The following HMGB1 variants were observed in gnomAD, a reference collection of about 807,000 sequenced individuals.
The protein encoded by HMGB1 is high mobility group protein B1.
For missense variants in HMGB1, 79 were observed against 253.5 expected (o/e 0.31, Z 4.67); for synonymous variants, 81 against 84.0 (o/e 0.96, Z 0.19).
intron 1 of HMGB1, among the ~76,000 whole-genome samples, chr13:30,613,650 T>C (rs888465544): frequency 3.3e-5 from 5 of 152,226 alleles, no homozygotes; most frequent in Non-Finnish European, 1.5e-5. Flanking sequence ...ATTATGTATG[T>C]ACATACATGC....
intron 1 of HMGB1, among the ~76,000 whole-genome samples, chr13:30,499,422 T>C (rs180876941): frequency 6.6e-6 from 1 of 152,320 alleles, no homozygotes; most frequent in East Asian, 1.9e-4. Flanking sequence ...CACCAGAAAG[T>C]CTCTCGATCA....
At position 30,460,331 on chromosome 13, in the gene HMGB1, C is replaced by A. The variant is rs1462416947; in HGVS notation, c.*1026G>T. On this transcript the variant is annotated 3_prime_UTR_variant, in exon 5 of 5. Coordinates refer to ENST00000341423, the MANE Select transcript of HMGB1 (RefSeq NM_002128.7). ...GGAAAGTCTCGTTTCCTGAGCAGTC[C>A]ATATTTAGATAAATGGGAAAAGACA... 1 of 150,854 alleles carries A rather than the reference C, an allele frequency of 6.6e-6. No homozygotes were observed. Among genetic ancestry groups the A allele is most frequent in the East Asian group, 1.9e-4 (1 of 5,174 alleles). 9.3% of individuals were successfully genotyped at this position (150,854 alleles called of 1,614,324 possible).
At chr13:30,575,471 G>A (rs900585926) in intron 1 of HMGB1, among the ~76,000 whole-genome samples, 1 of 152,096 alleles carries the variant, frequency 6.6e-6, no homozygotes, top group Non-Finnish European at 1.5e-5. Flanking sequence ...GCTCAACATC[G>A]TGGTTCATTT....
chr13:30,609,420 T>A (rs1475654729), intron 1 of HMGB1, among the ~76,000 whole-genome samples: 2 of 152,204 alleles, frequency 1.3e-5, no homozygotes, highest in Non-Finnish European at 2.9e-5. Flanking sequence ...AAGTTCCCAA[T>A]ATATAGTTGA....
chr13:30,484,486 C>T (rs1025280761), intron 1 of HMGB1, among the ~76,000 whole-genome samples: 1 of 152,220 alleles, frequency 6.6e-6, no homozygotes, highest in African/African-American at 2.4e-5. Flanking sequence ...ACGTTCCTCA[C>T]CCTCCATCCC....
intron 1 of HMGB1, among the ~76,000 whole-genome samples, chr13:30,597,458 T>A (rs983771294): frequency 2.6e-5 from 4 of 152,230 alleles, no homozygotes; most frequent in African/African-American, 9.6e-5. Flanking sequence ...AATAAATTTT[T>A]GTTGTTCAAG....
At chr13:30,526,066 CT>C (rs1301973911) in intron 1 of HMGB1, among the ~76,000 whole-genome samples, 3 of 151,870 alleles carry the variant, frequency 2.0e-5, no homozygotes, top group Non-Finnish European at 1.5e-5. Flanking sequence ...ACTTTTATTT[CT>C]TTTTTTTGAG....
intron 1 of HMGB1, among the ~76,000 whole-genome samples, chr13:30,524,337 T>TAAAAA (rs756389867): frequency 2.1e-5 from 1 of 47,442 alleles, no homozygotes; most frequent in Non-Finnish European, 5.4e-5. Context: ...TAAAGTATAT[T>TAAAAA]AAAAAAAAAA....
chr13:30,532,779 G>A (rs904884571), intron 1 of HMGB1, among the ~76,000 whole-genome samples: 3 of 152,250 alleles, frequency 2.0e-5, no homozygotes, highest in East Asian at 3.9e-4. Flanking sequence ...TTACAGGGGT[G>A]AGCCACCATG....
chr13:30,601,473 C>T lies in HMGB1; in HGVS notation c.-15+15198G>A, dbSNP rs555193770. Among the ~76,000 whole-genome samples the T allele has an allele frequency of 2.1e-4, 8 of 38,468 alleles. 2 individuals carry two copies. Among genetic ancestry groups the T allele is most frequent in the East Asian group, 1.1e-3 (4 of 3,596 alleles). The allele number at this position is 38,468 out of a possible 152,430, so 25.2% of individuals were successfully genotyped here. On this transcript the variant is annotated intron_variant, in intron 1 of 4. Coordinates refer to the HMGB1 transcript ENST00000405805. Reference sequence around the variant, plus strand: ...TAAAAATGAGGGTTGTGGCCGGGCGCGGTGGCTCACGCCTGTAATCCCAGC... The same window carrying T: ...TAAAAATGAGGGTTGTGGCCGGGCGTGGTGGCTCACGCCTGTAATCCCAGC...
intron 1 of HMGB1, among the ~76,000 whole-genome samples, chr13:30,480,289 AT>A (rs1279808151): frequency 6.6e-6 from 1 of 152,248 alleles, no homozygotes; most frequent in Non-Finnish European, 1.5e-5. Context: ...CGTTTCATTT[AT>A]TTATATATTT....
chr13:30,538,654 T>TC (rs1491138182), intron 1 of HMGB1, among the ~76,000 whole-genome samples: 8 of 67,592 alleles, frequency 1.2e-4, no homozygotes, highest in African/African-American at 7.4e-4. Context: ...TTTCTTTCTT[T>TC]CTTTCTTTCC....
chr13:30,549,959 C>T (rs1296220332), intron 1 of HMGB1, among the ~76,000 whole-genome samples: 1 of 152,082 alleles, frequency 6.6e-6, no homozygotes, highest in Admixed American at 6.6e-5. Flanking sequence ...CCAAGTAATC[C>T]GCCTGCCTCA....
chr13:30,467,378 T>G (rs1243376771), upstream of HMGB1, among the ~76,000 whole-genome samples: 1 of 152,256 alleles, frequency 6.6e-6, no homozygotes, highest in African/African-American at 2.4e-5. Flanking sequence ...TTTCCTCAAA[T>G]GTATTAAACT....
Position 30,554,415 on chromosome 13 carries a change from T to C in HMGB1, c.-15+62256A>G, listed in dbSNP as rs77492945. 2.9e-4 allele frequency: 243 copies of C among 824,992 alleles called. No individual in the cohort carries two copies. The East Asian group carries it at 5.2e-3, about 18-fold the overall frequency. 51.1% of individuals were successfully genotyped at this position (824,992 alleles called of 1,614,324 possible). ...TATATTAACATTAAACAAGTGTTAT[T>C]GAACATGAGAAAATACTGAATGGGT... On this transcript the variant is annotated intron_variant, in intron 1 of 4. Coordinates refer to the HMGB1 transcript ENST00000405805.
rs147687927 is a variant in HMGB1 at position 30,590,636 on chromosome 13, C to G, written c.-15+26035G>C. ...CTGTTAGAGAATGAAATTCAAGGTT[C>G]CAATGATCTGAACTTGTGTCCCCTC... On this transcript the variant is annotated intron_variant, in intron 1 of 4. Coordinates refer to the HMGB1 transcript ENST00000405805. 5.1e-3 allele frequency among the ~76,000 whole-genome samples: 779 copies of G among 152,346 alleles called. 6 individuals are homozygous for G. Among genetic ancestry groups the G allele is most frequent in the African/African-American group, 0.017 (716 of 41,580 alleles).
In HMGB1 at chr13:30,591,318, C is replaced by T. The variant is rs1871360673; in HGVS notation, c.-15+25353G>A. Among the ~76,000 whole-genome samples the T allele has an allele frequency of 2.0e-5, 3 of 152,200 alleles. No individual in the cohort carries two copies. In the South Asian group the frequency reaches 6.2e-4, roughly 32 times the overall value. On this transcript the variant is annotated intron_variant, in intron 1 of 4. Transcript: ENST00000405805. Reference sequence around the variant, plus strand: ...AAGTGCTGGGATTACAGGTGTGAACCATCGCGCCTGGCCGAGGCACAGTGT... The same window carrying T: ...AAGTGCTGGGATTACAGGTGTGAACTATCGCGCCTGGCCGAGGCACAGTGT...
At chr13:30,482,071 C>T (rs1290112637) in intron 1 of HMGB1, among the ~76,000 whole-genome samples, 2 of 152,174 alleles carry the variant, frequency 1.3e-5, no homozygotes, top group Non-Finnish European at 2.9e-5. Context: ...CTCAAGTGAT[C>T]TGCCTGCCTC....
At chr13:30,615,764 G>A (rs574876817) in intron 1 of HMGB1, among the ~76,000 whole-genome samples, 305 of 152,250 alleles carry the variant, frequency 2.0e-3, no homozygotes, top group African/African-American at 7.1e-3. Context: ...CTTAGTAGAA[G>A]GTGCACGAGC....
Sources: gnomAD v4.1 joint callset for allele counts (sites outside exome capture counted in the v4.1 genomes callset) on GRCh38, gnomAD v4.1.1 for gene constraint, MANE v1.5 for transcripts, NCBI Gene and HGNC (gene_info 2026-07-23, HGNC 2026-07-21) for gene names.